Variants in CHRM2 observed in about 807,000 individuals in gnomAD.
CHRM2 encodes cholinergic receptor muscarinic 2.
Under a neutral mutation model 25.0 loss-of-function variants are expected in CHRM2, and 8 were observed. That is an observed-to-expected ratio of 0.32 (90% CI 0.19 to 0.58). The LOEUF (loss-of-function observed/expected upper bound fraction) is 0.58. Ranked by LOEUF, CHRM2 falls within the 20% of genes least tolerant of loss-of-function variation. The pLI is 0.88. For missense variants in CHRM2, 440 were observed against 567.1 expected (o/e 0.78, Z 2.28); for synonymous variants, 202 against 205.7 (o/e 0.98, Z 0.15).
intron 2 of CHRM2, among the ~76,000 whole-genome samples, chr7:136,954,878 C>T (rs894515597): frequency 6.6e-6 from 1 of 152,168 alleles, no homozygotes; most frequent in East Asian, 1.9e-4. Context: ...TCTGGGAGAT[C>T]ACTATAGATT....
At chr7:136,959,556 C>T (rs1800938173) in intron 2 of CHRM2, among the ~76,000 whole-genome samples, 1 of 152,160 alleles carries the variant, frequency 6.6e-6, no homozygotes, top group African/African-American at 2.4e-5. Context: ...AAACCAAACT[C>T]TACATTTTTC....
intron 2 of CHRM2, among the ~76,000 whole-genome samples, chr7:136,923,736 T>C (rs1259200027): frequency 6.6e-6 from 1 of 152,156 alleles, no homozygotes; most frequent in Non-Finnish European, 1.5e-5. Flanking sequence ...AAGACAAAAA[T>C]GGTGTCTCAT....
chr7:137,011,340 G>A (rs1229233771), intron 3 of CHRM2, among the ~76,000 whole-genome samples: 2 of 151,596 alleles, frequency 1.3e-5, no homozygotes, highest in Non-Finnish European at 2.9e-5. Context: ...TAAGTCCAAA[G>A]GCCTCAGAAC....
chr7:136,988,326 A>T (rs1802993297), intron 2 of CHRM2, among the ~76,000 whole-genome samples: 1 of 151,924 alleles, frequency 6.6e-6, no homozygotes, highest in Non-Finnish European at 1.5e-5. Flanking sequence ...GGGAAGGGAA[A>T]AAGCTGCAGG....
intron 2 of CHRM2, among the ~76,000 whole-genome samples, chr7:136,971,172 A>G (rs1055546238): frequency 1.3e-5 from 2 of 152,228 alleles, no homozygotes; most frequent in African/African-American, 4.8e-5. Flanking sequence ...ATCTAGATCA[A>G]TTTGTTCATT....
At chr7:136,966,181 C>A (rs1194870112) in intron 2 of CHRM2, among the ~76,000 whole-genome samples, 1 of 41,144 alleles carries the variant, frequency 2.4e-5, no homozygotes, top group African/African-American at 5.2e-5. Context: ...TTGTCTTCTG[C>A]AAATTTTTTT....
At chr7:136,898,983 G>T (rs376257955) in intron 2 of CHRM2, 4 of 152,036 alleles carry the variant, frequency 2.6e-5, no homozygotes, top group Non-Finnish European at 5.9e-5. Context: ...GCTGTAAATT[G>T]AGTTGGTTGA....
At position 136,963,664 on chromosome 7, in the gene CHRM2, G is replaced by C. The variant is rs1367893905; in HGVS notation, c.-124-28523G>C. The stretch of plus-strand genomic sequence containing the variant: ...TTCATCTGCTCCCCTCTAGAGATAT[G>C]GGTTAGCCAACCAGGGGTCTCAGTC... On this transcript the variant is annotated intron_variant, in intron 2 of 3. Coordinates refer to ENST00000680005, the MANE Select transcript of CHRM2 (RefSeq NM_001006630.2). 2.0e-5 allele frequency among the ~76,000 whole-genome samples: 3 copies of C among 152,096 alleles called. No homozygotes were observed. The East Asian group carries it at 5.8e-4, about 29-fold the overall frequency.
intron 2 of CHRM2, among the ~76,000 whole-genome samples, chr7:136,875,204 A>G (rs1402215151): frequency 1.3e-5 from 2 of 151,418 alleles, no homozygotes; most frequent in Non-Finnish European, 2.9e-5. Context: ...ATATATATAC[A>G]TATATACATA....
intron 2 of CHRM2, among the ~76,000 whole-genome samples, chr7:136,909,721 C>T (rs1797737901): frequency 6.6e-6 from 1 of 151,850 alleles, no homozygotes; most frequent in African/African-American, 2.4e-5. Context: ...TGCAAACCTA[C>T]CTAACCATAC....
chr7:136,927,326 A>G (rs1798803587), intron 2 of CHRM2, among the ~76,000 whole-genome samples: 1 of 152,122 alleles, frequency 6.6e-6, no homozygotes, highest in Admixed American at 6.5e-5. Context: ...GAGCGAACCA[A>G]GTGACTATGT....
At chr7:136,872,615 C>G (rs1441556090) in intron 2 of CHRM2, among the ~76,000 whole-genome samples, 1 of 152,156 alleles carries the variant, frequency 6.6e-6, no homozygotes, top group Admixed American at 6.5e-5. Context: ...CCAAAGAAAA[C>G]AGTCCCAGAC....
intron 2 of CHRM2, among the ~76,000 whole-genome samples, chr7:136,886,409 C>T (rs1796466257): frequency 6.6e-6 from 1 of 152,210 alleles, no homozygotes; most frequent in Non-Finnish European, 1.5e-5. Flanking sequence ...AAAATTTACA[C>T]CATTGCTTTC....
chr7:136,959,228 A>C (rs1277435736), intron 2 of CHRM2, among the ~76,000 whole-genome samples: 3 of 152,228 alleles, frequency 2.0e-5, no homozygotes, highest in Admixed American at 2.0e-4. Context: ...AAATCTATAT[A>C]CTTACAAATG....
chr7:136,900,776 T>C (rs778229739), intron 2 of CHRM2, among the ~76,000 whole-genome samples: 13 of 152,018 alleles, frequency 8.6e-5, no homozygotes, highest in Non-Finnish European at 1.3e-4. Context: ...GAGGCATTTT[T>C]GGTTTTCCGT....
chr7:136,970,782 C>G (rs1224832259), intron 2 of CHRM2, among the ~76,000 whole-genome samples: 1 of 152,104 alleles, frequency 6.6e-6, no homozygotes, highest in Admixed American at 6.6e-5. Flanking sequence ...CTCTTTTCAC[C>G]TCTCTTTTTG....
intron 3 of CHRM2, among the ~76,000 whole-genome samples, chr7:136,992,669 C>T (rs889871408): frequency 6.6e-6 from 1 of 152,222 alleles, no homozygotes; most frequent in Middle Eastern, 3.4e-3. Context: ...GCAAATTCAG[C>T]GTTCACGTTG....
At chr7:137,003,529 C>T (rs556852010) in intron 3 of CHRM2, among the ~76,000 whole-genome samples, 2,626 of 73,968 alleles carry the variant, frequency 0.036, 42 homozygotes, top group Middle Eastern at 0.073. Flanking sequence ...CACACACACA[C>T]ACACACACTA....
intron 2 of CHRM2, among the ~76,000 whole-genome samples, chr7:136,981,838 T>C (rs988338867): frequency 5.9e-5 from 9 of 152,212 alleles, no homozygotes; most frequent in African/African-American, 2.2e-4. Flanking sequence ...TCCATTCTTT[T>C]GCATTTGCTG....
Sources: gnomAD v4.1 joint callset for allele counts (sites outside exome capture counted in the v4.1 genomes callset) on GRCh38, gnomAD v4.1.1 for gene constraint, MANE v1.5 for transcripts, NCBI Gene and HGNC (gene_info 2026-07-23, HGNC 2026-07-21) for gene names.